Variants in CNTNAP5 observed in about 807,000 individuals in gnomAD.
CNTNAP5 encodes the protein contactin-associated protein-like 5.
In CNTNAP5, 72 loss-of-function variants were observed where a neutral mutation model predicts 150.2. The observed-to-expected ratio is 0.48, with a 90% CI of 0.40 to 0.58. The LOEUF (loss-of-function observed/expected upper bound fraction) is 0.58. Among genes scored for constraint, CNTNAP5 ranks in the 20% least tolerant of loss-of-function variants. The probability of loss-of-function intolerance (pLI) is 0.00; values close to 1 mark genes in which losing one functional copy is unlikely to be tolerated. For synonymous variants in CNTNAP5, 672 were observed against 619.8 expected, an observed-to-expected ratio of 1.08 and a Z score of -1.25; for missense variants, 1,636 against 1,626.2, an observed-to-expected ratio of 1.01 and a Z score of -0.10.
rs552834124 is a variant in CNTNAP5 at position 124,418,872 on chromosome 2, C to T, written c.529+1282C>T. Among the ~76,000 whole-genome samples the T allele has an allele frequency of 1.4e-3, 215 of 152,144 alleles. 2 individuals are homozygous for T. Among genetic ancestry groups the T allele is most frequent in the Middle Eastern group, 3.4e-3 (1 of 294 alleles). ...AGTATGGGCCGGGCGCGGTGGCTCA[C>T]GCCTGTAATCCCAGCACTTTGGGAG... is the stretch of plus-strand genomic sequence containing the variant. On this transcript the variant is annotated intron_variant, in intron 4 of 23. Coordinates refer to ENST00000682447, the MANE Select transcript of CNTNAP5 (RefSeq NM_001367498.1).
At chr2:124,554,256 CTT>C (rs1388829281) in intron 10 of CNTNAP5, among the ~76,000 whole-genome samples, 1 of 151,986 alleles carries the variant, frequency 6.6e-6, no homozygotes, top group Non-Finnish European at 1.5e-5. Flanking sequence ...ATTTTATTAA[CTT>C]TCCAAGTTCA....
At chr2:124,335,235 G>A (rs1689443038) in intron 3 of CNTNAP5, among the ~76,000 whole-genome samples, 1 of 152,072 alleles carries the variant, frequency 6.6e-6, no homozygotes, top group Admixed American at 6.6e-5. Flanking sequence ...GGCAACCGAA[G>A]TTGAAATAAC....
chr2:124,549,859 C>T (rs1346584031), intron 10 of CNTNAP5, among the ~76,000 whole-genome samples: 2 of 152,342 alleles, frequency 1.3e-5, no homozygotes, highest in East Asian at 1.9e-4. Context: ...GTTCTTGCTT[C>T]ATTATTATGC....
intron 19 of CNTNAP5, among the ~76,000 whole-genome samples, chr2:124,839,112 C>G (rs902709359): frequency 2.6e-5 from 4 of 152,088 alleles, no homozygotes; most frequent in African/African-American, 9.6e-5. Flanking sequence ...GTGAGCTGAC[C>G]TCTGAGAGTG....
chr2:124,641,689 G>T (rs1455945366), intron 12 of CNTNAP5, among the ~76,000 whole-genome samples: 1 of 152,192 alleles, frequency 6.6e-6, no homozygotes, highest in African/African-American at 2.4e-5. Flanking sequence ...TACAATAGGA[G>T]TATAAGTGAA....
chr2:124,776,988 C>T (rs1353099950), intron 17 of CNTNAP5, among the ~76,000 whole-genome samples: 2 of 151,228 alleles, frequency 1.3e-5, no homozygotes, highest in African/African-American at 4.9e-5. Flanking sequence ...TTTCAATGTC[C>T]CCTTACCAAT....
chr2:124,812,742 G>T (rs994456133), intron 19 of CNTNAP5, among the ~76,000 whole-genome samples: 10 of 151,872 alleles, frequency 6.6e-5, no homozygotes, highest in African/African-American at 2.4e-4. Flanking sequence ...TGCCTTTCTG[G>T]ACCAAACCAA....
chr2:124,848,693 C>G (rs1192673945), intron 19 of CNTNAP5, among the ~76,000 whole-genome samples: 1 of 152,126 alleles, frequency 6.6e-6, no homozygotes, highest in South Asian at 2.1e-4. Context: ...AATAACCATC[C>G]TAACAGGTGT....
chr2:124,612,018 C>T (rs1187129487), intron 12 of CNTNAP5, among the ~76,000 whole-genome samples: 2 of 152,130 alleles, frequency 1.3e-5, no homozygotes, highest in African/African-American at 2.4e-5. Flanking sequence ...ACTTAGGAAG[C>T]GGGCATAGCC....
At chr2:124,203,923 C>T (rs566718342) in intron 1 of CNTNAP5, among the ~76,000 whole-genome samples, 13 of 152,320 alleles carry the variant, frequency 8.5e-5, no homozygotes, top group Admixed American at 3.3e-4. Flanking sequence ...TAACATTTGG[C>T]GCCTTGTTAC....
At chr2:124,404,156 G>A (rs991590896) in intron 3 of CNTNAP5, among the ~76,000 whole-genome samples, 1 of 152,204 alleles carries the variant, frequency 6.6e-6, no homozygotes, top group Non-Finnish European at 1.5e-5. Flanking sequence ...GGACCCTTAG[G>A]CAAGGTGGTG....
chr2:124,526,348 C>G (rs943062694), intron 9 of CNTNAP5, among the ~76,000 whole-genome samples: 1 of 152,318 alleles, frequency 6.6e-6, no homozygotes, highest in African/African-American at 2.4e-5. Context: ...TGTAGCATCT[C>G]TCTTCATTTT....
Position 124,122,587 on chromosome 2 carries a change from C to G in CNTNAP5, c.82+96855C>G, listed in dbSNP as rs147396973. Reference sequence around the variant, plus strand: ...TGGAATTAGCACATTCCACACTTTACAATTTCTAGAAGCACAAGCATGTGA... The same window carrying G: ...TGGAATTAGCACATTCCACACTTTAGAATTTCTAGAAGCACAAGCATGTGA... On this transcript the variant is annotated intron_variant, in intron 1 of 23. Coordinates refer to ENST00000682447, the MANE Select transcript of CNTNAP5 (RefSeq NM_001367498.1). Among the ~76,000 whole-genome samples the G allele has an allele frequency of 3.9e-5, 6 of 152,236 alleles. No individual in the cohort carries two copies. The East Asian group carries it at 1.2e-3, about 29-fold the overall frequency.
intron 17 of CNTNAP5, among the ~76,000 whole-genome samples, chr2:124,782,991 A>G (rs1255023582): frequency 2.6e-5 from 4 of 152,196 alleles, no homozygotes; most frequent in Non-Finnish European, 5.9e-5. Flanking sequence ...GACAAATGTC[A>G]TCAATACAAT....
chr2:124,877,938 AG>A (rs1188068719), intron 21 of CNTNAP5, among the ~76,000 whole-genome samples: 2 of 152,066 alleles, frequency 1.3e-5, no homozygotes, highest in Non-Finnish European at 2.9e-5. Flanking sequence ...GTCATTACCC[AG>A]GGAGATAAGT....
chr2:124,275,914 A>G (rs1293491787), intron 3 of CNTNAP5, among the ~76,000 whole-genome samples: 1 of 152,162 alleles, frequency 6.6e-6, no homozygotes, highest in African/African-American at 2.4e-5. Context: ...CCTGACTTGG[A>G]TTCCTCATGT....
chr2:124,580,230 G>T (rs1211573894), intron 11 of CNTNAP5, among the ~76,000 whole-genome samples: 1 of 152,206 alleles, frequency 6.6e-6, no homozygotes, highest in Non-Finnish European at 1.5e-5. Flanking sequence ...ATAACCAAAA[G>T]CGGGGAATTG....
intron 13 of CNTNAP5, among the ~76,000 whole-genome samples, chr2:124,685,566 G>C (rs998282373): frequency 1.3e-5 from 2 of 152,086 alleles, no homozygotes; most frequent in Non-Finnish European, 2.9e-5. Context: ...GCAGTTTTAT[G>C]GTGCTCAATC....
intron 7 of CNTNAP5, among the ~76,000 whole-genome samples, chr2:124,495,769 T>A (rs905868845): frequency 2.0e-5 from 3 of 152,216 alleles, no homozygotes; most frequent in Non-Finnish European, 4.4e-5. Context: ...TTTTCAGTAC[T>A]TGTCCTTTCC....
Sources: gnomAD v4.1 joint callset for allele counts (sites outside exome capture counted in the v4.1 genomes callset) on GRCh38, gnomAD v4.1.1 for gene constraint, MANE v1.5 for transcripts, NCBI Gene and HGNC (gene_info 2026-07-23, HGNC 2026-07-21) for gene names.